ANKRD6: variants seen among roughly 807,000 people sequenced by gnomAD.
ANKRD6 encodes the protein ankyrin repeat domain 6, also known as ankyrin repeat domain-containing protein 6.
A neutral mutation model predicts 82.3 loss-of-function variants in ANKRD6; 56 were observed. That is an observed-to-expected ratio of 0.68 (90% confidence interval 0.55 to 0.85). The LOEUF (loss-of-function observed/expected upper bound fraction) is 0.85. Ranked by LOEUF, ANKRD6 falls within the 40% of genes least tolerant of loss-of-function variation. ANKRD6 has a pLI of 0.00. For missense variants in ANKRD6, 852 were observed against 907.6 expected (o/e 0.94, Z 0.79); for synonymous variants, 347 against 352.1 (o/e 0.99, Z 0.16).
intron 2 of ANKRD6, among the ~76,000 whole-genome samples, chr6:89,588,470 T>C (rs1794218807): frequency 1.3e-5 from 2 of 152,222 alleles, no homozygotes; most frequent in African/African-American, 4.8e-5. Flanking sequence ...AGAAGCTTTA[T>C]GAAATGATTA....
chr6:89,569,722 G>T (rs1223425333), intron 2 of ANKRD6, among the ~76,000 whole-genome samples: 1 of 152,118 alleles, frequency 6.6e-6, no homozygotes, highest in Non-Finnish European at 1.5e-5. Flanking sequence ...ATGTATGAAG[G>T]TTTCAGCTTC....
chr6:89,623,022 T>C, intron 10 of ANKRD6, among the ~76,000 whole-genome samples: 1 of 51,318 alleles, frequency 1.9e-5, no homozygotes, highest in Middle Eastern at 8.5e-3. Flanking sequence ...GAGTGGGGGG[T>C]GGGGGGGGCG....
Position 89,617,324 on chromosome 6 carries a change from C to T in ANKRD6, c.715-630C>T, listed in dbSNP as rs550040253. ...TGTATCTAGCTCCCCTCTTTCTCCT[C>T]CTGCCTTCTTTTAGCTCTACAACCA... On this transcript the variant is annotated intron_variant, in intron 8 of 15. Transcript: ENST00000339746. 2.6e-5 allele frequency among the ~76,000 whole-genome samples: 4 copies of T among 152,282 alleles called. No homozygotes were observed. In the South Asian group the frequency reaches 8.3e-4, roughly 32 times the overall value.
At chr6:89,601,272 G>A (rs1797087852) in intron 3 of ANKRD6, among the ~76,000 whole-genome samples, 2 of 152,206 alleles carry the variant, frequency 1.3e-5, no homozygotes, top group South Asian at 4.2e-4. Context: ...CTGATAACAG[G>A]AATAATAGTT....
At position 89,515,176 on chromosome 6, in the gene ANKRD6, T is replaced by C. The variant is rs552513543; in HGVS notation, c.-143-51658T>C. Among the ~76,000 whole-genome samples, 6 of 152,372 alleles carry C rather than the reference T, an allele frequency of 3.9e-5. No homozygotes were observed. The South Asian group carries it at 1.2e-3, about 32-fold the overall frequency. Reference sequence around the variant, plus strand: ...ATTCTGAGCTGGGCATCAGTCTTTATGAAGCTAGTGTCTTTCCAGTATGTC... The same window carrying C: ...ATTCTGAGCTGGGCATCAGTCTTTACGAAGCTAGTGTCTTTCCAGTATGTC... On this transcript the variant is annotated intron_variant, in intron 1 of 15. Transcript: ENST00000339746.
intron 1 of ANKRD6, among the ~76,000 whole-genome samples, chr6:89,497,760 T>G (rs1392924751): frequency 6.6e-6 from 1 of 152,228 alleles, no homozygotes; most frequent in Non-Finnish European, 1.5e-5. Flanking sequence ...ATTATAACTA[T>G]GCAGTTTGGT....
chr6:89,467,001 C>T (rs954335867), intron 1 of ANKRD6, among the ~76,000 whole-genome samples: 4 of 152,116 alleles, frequency 2.6e-5, no homozygotes, highest in Non-Finnish European at 5.9e-5. Flanking sequence ...GCCACTGTGC[C>T]TGGCTAGAGA....
Position 89,613,738 on chromosome 6 carries a change from C to G in ANKRD6, c.517-54C>G, listed in dbSNP as rs570272147. Reference sequence around the variant, plus strand: ...AATAACATTTTCTTTCTACTTTTCTCTATTTGTTTTGTAACTGCTCAGATT... The same window carrying G: ...AATAACATTTTCTTTCTACTTTTCTGTATTTGTTTTGTAACTGCTCAGATT... On this transcript the variant is annotated intron_variant, in intron 6 of 15. Coordinates refer to ENST00000339746, the MANE Select transcript of ANKRD6 (RefSeq NM_001242809.2). 3 of 1,508,006 alleles carry G rather than the reference C, an allele frequency of 2.0e-6. No individual in the cohort carries two copies. In the African/African-American group the frequency reaches 4.1e-5, roughly 21 times the overall value. 93.4% of individuals were successfully genotyped at this position (1,508,006 alleles called of 1,614,324 possible). A position where few individuals can be genotyped will look rare whatever the true frequency, so the allele number is the denominator to read the frequency against.
At chr6:89,563,389 T>G (rs1047298079) in intron 1 of ANKRD6, among the ~76,000 whole-genome samples, 9 of 152,202 alleles carry the variant, frequency 5.9e-5, no homozygotes, top group African/African-American at 1.4e-4. Flanking sequence ...TTTATTTCCT[T>G]TTTGCTTAAA....
chr6:89,539,281 G>C (rs1030007872), intron 1 of ANKRD6, among the ~76,000 whole-genome samples: 4 of 152,036 alleles, frequency 2.6e-5, no homozygotes, highest in African/African-American at 7.2e-5. Context: ...TTTAAAATCT[G>C]TTGTTTCATT....
At chr6:89,460,656 G>A (rs191458242) in intron 1 of ANKRD6, among the ~76,000 whole-genome samples, 4 of 151,936 alleles carry the variant, frequency 2.6e-5, no homozygotes, top group Admixed American at 2.0e-4. Context: ...GGCTGGTCTC[G>A]AACTCCTGAC....
At chr6:89,446,908 A>G (rs1772157254) in intron 1 of ANKRD6, among the ~76,000 whole-genome samples, 1 of 152,198 alleles carries the variant, frequency 6.6e-6, no homozygotes, top group Non-Finnish European at 1.5e-5. Flanking sequence ...TGCTGCTGCC[A>G]TGTGAAGAAG....
intron 1 of ANKRD6, among the ~76,000 whole-genome samples, chr6:89,550,772 A>G (rs1254990308): frequency 1.3e-5 from 2 of 152,154 alleles, no homozygotes; most frequent in Admixed American, 6.5e-5. Context: ...CCCAGCCAAC[A>G]TGGTGAAACC....
intron 6 of ANKRD6, among the ~76,000 whole-genome samples, chr6:89,613,534 C>T (rs113827818): frequency 1.1e-4 from 16 of 152,220 alleles, no homozygotes; most frequent in African/African-American, 3.1e-4. Flanking sequence ...GGGGAGCAGA[C>T]GTCTAGTTTC....
intron 14 of ANKRD6, 106 bp downstream of exon 14, chr6:89,627,802 G>A: frequency 1.2e-6 from 1 of 843,862 alleles, no homozygotes; most frequent in Non-Finnish European, 1.9e-6. Flanking sequence ...CTCCCTAAGA[G>A]CTTTTACATT....
At chr6:89,504,753 A>G (rs886786397) in intron 1 of ANKRD6, among the ~76,000 whole-genome samples, 5 of 152,226 alleles carry the variant, frequency 3.3e-5, no homozygotes, top group Admixed American at 3.3e-4. Context: ...TTGCCCATCC[A>G]GTCTGCAGCA....
At chr6:89,511,156 C>T (rs1449123388) in intron 1 of ANKRD6, among the ~76,000 whole-genome samples, 1 of 152,224 alleles carries the variant, frequency 6.6e-6, no homozygotes, top group Non-Finnish European at 1.5e-5. Context: ...CCCACCACAG[C>T]CCGATTCCTC....
intron 1 of ANKRD6, among the ~76,000 whole-genome samples, chr6:89,480,786 GT>G (rs967621325): frequency 1.2e-4 from 17 of 144,594 alleles, no homozygotes; most frequent in Middle Eastern, 3.5e-3. Flanking sequence ...TTTTTTTTTT[GT>G]TTTTTTTTGC....
At chr6:89,434,888 G>A (rs1770431869) in intron 1 of ANKRD6, among the ~76,000 whole-genome samples, 1 of 152,152 alleles carries the variant, frequency 6.6e-6, no homozygotes, top group Non-Finnish European at 1.5e-5. Context: ...TACTGGACAT[G>A]GGGGAAGGGT....
Sources: gnomAD v4.1 joint callset for allele counts (sites outside exome capture counted in the v4.1 genomes callset) on GRCh38, gnomAD v4.1.1 for gene constraint, MANE v1.5 for transcripts, NCBI Gene and HGNC (gene_info 2026-07-23, HGNC 2026-07-21) for gene names.